The following MMP14 variants were observed in gnomAD, a reference collection of about 807,000 sequenced individuals.
MMP14 encodes the protein matrix metalloproteinase-14.
Under a neutral mutation model 64.8 loss-of-function variants are expected in MMP14, and 13 were observed. The observed-to-expected ratio is 0.20, with a 90% CI of 0.13 to 0.32. MMP14 has a LOEUF of 0.32. MMP14 is among the 10% of genes least tolerant of loss of function. MMP14 has a pLI of 1.00. For missense variants in MMP14, 594 were observed against 783.8 expected (o/e 0.76, Z 2.89); for synonymous variants, 322 against 315.9 (o/e 1.02, Z -0.20).
chr14:22,844,832 C>T, intron 8 of MMP14, 52 bp downstream of exon 8: 2 of 1,608,422 alleles, frequency 1.2e-6, no homozygotes, highest in Non-Finnish European at 1.7e-6. Context: ...CACCACCACC[C>T]CAAATTCCCT....
intron 9 of MMP14, 28 bp downstream of exon 9, chr14:22,845,394 G>A: frequency 6.6e-7 from 1 of 1,514,674 alleles, no homozygotes; most frequent in Non-Finnish European, 9.1e-7. Context: ...AGGTGTCGCT[G>A]AGAGAAGGAT....
chr14:22,841,403 C>T, intron 1 of MMP14, 88 bp from the exon 2 acceptor site: 1 of 1,543,090 alleles, frequency 6.5e-7, no homozygotes, highest in Non-Finnish European at 8.8e-7. Flanking sequence ...CTTGCCAAGC[C>T]AAGGCTGTAT....
rs17879412 is a variant in MMP14 at position 22,841,833 on chromosome 14, CT to C, written c.258-78del. The C allele has an allele frequency of 0.84, 1,332,506 of 1,594,814 alleles. 557,921 individuals are homozygous for C. The highest frequency in any genetic ancestry group is 1 in the East Asian group (44,522 of 44,584). The stretch of plus-strand genomic sequence containing the variant: ...TTCCCCACATTGACACACAGCAAGT[CT>C]TACCCAACACTGATCGTGGAGACCT... On this transcript the variant is annotated intron_variant, in intron 2 of 9. Coordinates refer to ENST00000311852, the MANE Select transcript of MMP14 (RefSeq NM_004995.4).
At position 22,845,917 on chromosome 14, in the gene MMP14, G is replaced by A. The variant is rs1273547219; in HGVS notation, c.1627G>A (p.Val543Met). Reference sequence around the variant, plus strand: ...CGGGGCGGTGAGCGCGGCTGCCGTGGTGCTGCCCGTGCTGCTGCTGCTCCT... The same window carrying A: ...CGGGGCGGTGAGCGCGGCTGCCGTGATGCTGCCCGTGCTGCTGCTGCTCCT... ...GGGAVSAAAV[V>M]LPVLLLLLVL... Residue 543 changes from valine to methionine, a missense_variant, in exon 10 of 10, where the codon GTG becomes ATG. This residue lies in a region of MMP14 where 364 missense variants were observed against 425.2 expected (regional missense o/e 0.86). Coordinates refer to ENST00000311852, the MANE Select transcript of MMP14 (RefSeq NM_004995.4). The A allele has an allele frequency of 1.2e-6, 2 of 1,605,808 alleles. No individual in the cohort carries two copies. Among genetic ancestry groups the A allele is most frequent in the Admixed American group, 1.7e-5 (1 of 58,242 alleles).
chr14:22,838,620 T>C (rs1301359194), intron 1 of MMP14, among the ~76,000 whole-genome samples: 2 of 152,190 alleles, frequency 1.3e-5, no homozygotes, highest in Admixed American at 6.5e-5. Context: ...CCCAACATAG[T>C]TGCTTTTTTC....
At chr14:22,845,024 C>T (rs2039801985) in intron 8 of MMP14, among the ~76,000 whole-genome samples, 1 of 152,148 alleles carries the variant, frequency 6.6e-6, no homozygotes, top group Non-Finnish European at 1.5e-5. Context: ...GCCTCCACCC[C>T]AGCAGCCAGG....
intron 6 of MMP14, among the ~76,000 whole-genome samples, chr14:22,844,145 C>T (rs564724961): frequency 2.0e-5 from 3 of 151,244 alleles, no homozygotes; most frequent in South Asian, 2.1e-4. Context: ...TGCAGTGAGC[C>T]GAGATAGGGC....
intron 1 of MMP14, among the ~76,000 whole-genome samples, chr14:22,839,626 C>T (rs2039759090): frequency 6.6e-6 from 1 of 152,216 alleles, no homozygotes; most frequent in African/African-American, 2.4e-5. Flanking sequence ...AACCATGTTG[C>T]AATTCTTGCC....
chr14:22,844,871 C>G, intron 8 of MMP14, 91 bp downstream of exon 8: 1 of 1,532,894 alleles, frequency 6.5e-7, no homozygotes, highest in Non-Finnish European at 8.9e-7. Context: ...CACTTTACCC[C>G]CAACATGCTT....
At chr14:22,838,874 G>A (rs1459788298) in intron 1 of MMP14, among the ~76,000 whole-genome samples, 1 of 152,192 alleles carries the variant, frequency 6.6e-6, no homozygotes, top group Non-Finnish European at 1.5e-5. Flanking sequence ...GAGGGATGGG[G>A]GCACTTCCTT....
Position 22,843,207 on chromosome 14 carries a change from G to GC in MMP14, c.689-49dup, listed in dbSNP as rs761133509. 5 of 1,567,988 alleles carry GC rather than the reference G, an allele frequency of 3.2e-6. No individual in the cohort carries two copies. Among genetic ancestry groups the GC allele is most frequent in the Non-Finnish European group, 4.3e-6 (5 of 1,150,936 alleles). ...AAGCTGCTGGTGGGGAAGCAGGGAG[G>GC]CTGAGGGAAGGGACTCAGGCTGCTA... On this transcript the variant is annotated intron_variant, in intron 4 of 9. Coordinates refer to ENST00000311852, the MANE Select transcript of MMP14 (RefSeq NM_004995.4). This position sits in a 1 kb window ranked among gnomAD's most constrained non-coding sequence, Gnocchi z 4.8.
chr14:22,837,656 TTTG>T lies in MMP14; in HGVS notation c.108+737_108+739del, dbSNP rs1177373815. 1.3e-5 allele frequency among the ~76,000 whole-genome samples: 2 copies of T among 152,136 alleles called. 1 individual carries two copies. Among genetic ancestry groups the T allele is most frequent in the Non-Finnish European group, 2.9e-5 (2 of 68,000 alleles). ...CCCGCGTCGGCGCCTTCAGGCCCTT[TTTG>T]TTGTTAATAGTTTTTCTGTGTTAAT... On this transcript the variant is annotated intron_variant, in intron 1 of 9. Transcript: ENST00000311852.
In MMP14 at chr14:22,846,218, C is replaced by T. The variant is rs1401286230; in HGVS notation, c.*179C>T. ...CTGACCGCCTCCCTCCCTCCTGCCC[C>T]GGCATTGCATCTTCCCTAGATAGGT... On this transcript the variant is annotated 3_prime_UTR_variant, in exon 10 of 10. Transcript: ENST00000311852. 8.8e-5 allele frequency: 55 copies of T among 622,226 alleles called. No homozygotes were observed. The Middle Eastern group carries it at 1.3e-3, about 14-fold the overall frequency. The allele number at this position is 622,226 out of a possible 1,614,324, so 38.5% of individuals were successfully genotyped here.
Position 22,836,804 on chromosome 14 carries a change from G to A in MMP14, c.-14G>A. 1.9e-6 allele frequency: 3 copies of A among 1,558,710 alleles called. No individual in the cohort carries two copies. The highest frequency in any genetic ancestry group is 1.2e-5 in the South Asian group (1 of 86,798). On this transcript the variant is annotated 5_prime_UTR_variant, in exon 1 of 10. Transcript: ENST00000311852. ...GGAGCCCACACTGCCCGGCTGACCC[G>A]GTGGTCTCGGACCATGTCTCCCGCC...
At chr14:22,845,512 C>A in intron 9 of MMP14, 146 bp downstream of exon 9, 1 of 833,216 alleles carries the variant, frequency 1.2e-6, no homozygotes, top group South Asian at 1.7e-5. Flanking sequence ...GGTGCTTCCA[C>A]ACGTGGTGCC....
intron 1 of MMP14, among the ~76,000 whole-genome samples, chr14:22,838,007 C>T (rs1443816478): frequency 6.6e-6 from 1 of 152,244 alleles, no homozygotes; most frequent in Admixed American, 6.5e-5. Context: ...TTGGCTTCTC[C>T]TCCTTGGTCC....
At position 22,846,150 on chromosome 14, in the gene MMP14, A is replaced by G. The variant is rs1478078826; in HGVS notation, c.*111A>G. 2 of 1,075,920 alleles carry G rather than the reference A, an allele frequency of 1.9e-6. No homozygotes were observed. Among genetic ancestry groups the G allele is most frequent in the African/African-American group, 1.6e-5 (1 of 62,542 alleles). The allele number at this position is 1,075,920 out of a possible 1,614,324, so 66.6% of individuals were successfully genotyped here. A position where few individuals can be genotyped will look rare whatever the true frequency, so the allele number is the denominator to read the frequency against. ...CCATCGTCCCGAGCCCCCTCCCCGCAGCCTCCTTGCTTCTCTCTGTCCCCT... is the reference window on the plus strand; with the variant it reads ...CCATCGTCCCGAGCCCCCTCCCCGCGGCCTCCTTGCTTCTCTCTGTCCCCT... On this transcript the variant is annotated 3_prime_UTR_variant, in exon 10 of 10. Coordinates refer to ENST00000311852, the MANE Select transcript of MMP14 (RefSeq NM_004995.4).
chr14:22,845,401 G>A (rs776452613), intron 9 of MMP14, 35 bp downstream of exon 9: 2 of 1,478,504 alleles, frequency 1.4e-6, no homozygotes, highest in South Asian at 1.2e-5. Context: ...GCTGAGAGAA[G>A]GATGGGAATA....
At chr14:22,841,407 G>A in intron 1 of MMP14, 84 bp from the exon 2 acceptor site, 5 of 1,553,716 alleles carry the variant, frequency 3.2e-6, no homozygotes, top group Non-Finnish European at 4.4e-6. Context: ...CCAAGCCAAG[G>A]CTGTATGCTG....
Sources: allele counts gnomAD v4.1 joint callset (sites outside exome capture counted in the v4.1 genomes callset), GRCh38; gene constraint gnomAD v4.1.1; regional missense constraint gnomAD v4.1.1; non-coding constraint Gnocchi (gnomAD v3.1); transcripts MANE v1.5; gene names NCBI Gene and HGNC (gene_info 2026-07-23, HGNC 2026-07-21).